Variants in ELFN1 observed in about 807,000 individuals in gnomAD.
The protein encoded by ELFN1 is protein ELFN1.
ELFN1 carries 6 observed loss-of-function variants against 7.6 expected under a neutral mutation model. The ratio of observed to expected loss-of-function variants is 0.79; its 90% CI spans 0.43 to 1.56. The LOEUF (loss-of-function observed/expected upper bound fraction) is 1.56. Ranked by LOEUF, ELFN1 falls within the 40% of genes most tolerant of loss-of-function variation. ELFN1 has a pLI of 0.01. For missense variants in ELFN1, 1,169 were observed against 1,232.2 expected (o/e 0.95, Z 0.77); for synonymous variants, 657 against 588.1 (o/e 1.12, Z -1.70).
chr7:1,699,396 G>C (rs1481989654), intron 2 of ELFN1, among the ~76,000 whole-genome samples: 1 of 152,178 alleles, frequency 6.6e-6, no homozygotes, highest in African/African-American at 2.4e-5. Context: ...CCAGCACTTT[G>C]GGAGGCCGAG....
At chr7:1,706,466 A>G (rs906463891) in intron 2 of ELFN1, among the ~76,000 whole-genome samples, 18 of 141,964 alleles carry the variant, frequency 1.3e-4, no homozygotes, top group African/African-American at 4.8e-4. Context: ...AAACAAAACA[A>G]AACACCCAGC....
rs144809695 is a variant in ELFN1 at position 1,744,518 on chromosome 7, C to T, written c.-79C>T. 646 of 1,397,968 alleles carry T rather than the reference C, an allele frequency of 4.6e-4. 5 individuals carry two copies. In the East Asian group the frequency reaches 0.015, roughly 33 times the overall value. The allele number at this position is 1,397,968 out of a possible 1,614,324, so 86.6% of individuals were successfully genotyped here. On this transcript the variant is annotated 5_prime_UTR_variant, in exon 4 of 4. Coordinates refer to ENST00000424383, the MANE Select transcript of ELFN1 (RefSeq NM_001128636.4). ...GCACCTCCCCCTCCCGCCCCTCCATCCCTCTGGGGGCTGGCGCCTGGCCCC... is the reference window on the plus strand; with the variant it reads ...GCACCTCCCCCTCCCGCCCCTCCATTCCTCTGGGGGCTGGCGCCTGGCCCC...
intron 3 of ELFN1, among the ~76,000 whole-genome samples, chr7:1,731,183 T>A (rs1303342384): frequency 6.6e-6 from 1 of 152,108 alleles, no homozygotes; most frequent in Non-Finnish European, 1.5e-5. Flanking sequence ...ACAAGAGTGG[T>A]GAGATGTGCC....
intron 3 of ELFN1, among the ~76,000 whole-genome samples, chr7:1,741,636 A>AGAGAGTGTGGCACCCAGCCAGGCCCTG (rs1780617112): frequency 6.6e-6 from 1 of 152,138 alleles, no homozygotes; most frequent in African/African-American, 2.4e-5. Context: ...AGGAAGGGGG[A>AGAGAGTGTGGCACCCAGCCAGGCCCTG]GAGAGTGTGG....
Position 1,744,832 on chromosome 7 carries a change from C to T in ELFN1, c.236C>T (p.Ser79Leu), listed in dbSNP as rs768988884. ...ENRIRSVQYA[S>L]LSRFGNLTYL... ...CGTATCCGCAGCGTGCAGTACGCCTCGCTCAGCCGCTTTGGCAACCTCACG... is the reference window on the plus strand; with the variant it reads ...CGTATCCGCAGCGTGCAGTACGCCTTGCTCAGCCGCTTTGGCAACCTCACG... Residue 79 changes from serine (S) to leucine (L), a missense_variant, in exon 4 of 4, where the codon TCG becomes TTG. Coordinates refer to ENST00000424383, the MANE Select transcript of ELFN1 (RefSeq NM_001128636.4). 2.5e-6 allele frequency: 4 copies of T among 1,571,862 alleles called. No homozygotes were observed. Among genetic ancestry groups the T allele is most frequent in the Non-Finnish European group, 3.5e-6 (4 of 1,157,732 alleles).
chr7:1,697,653 G>A (rs1165120621), intron 2 of ELFN1, among the ~76,000 whole-genome samples: 1 of 151,776 alleles, frequency 6.6e-6, no homozygotes, highest in African/African-American at 2.4e-5. Context: ...CCCTTCTCTA[G>A]GGCGGTGTCC....
intron 1 of ELFN1, among the ~76,000 whole-genome samples, chr7:1,675,203 G>A (rs371670239): frequency 1.5e-4 from 23 of 152,304 alleles, no homozygotes; most frequent in African/African-American, 4.6e-4. Flanking sequence ...CCACAGAAGC[G>A]CATCTCTCTG....
In ELFN1 at chr7:1,670,826, T is replaced by TA. The variant is rs1778750217; in HGVS notation, c.-549+472_-549+473insA. The stretch of plus-strand genomic sequence containing the variant: ...CATCGCCCTCCCTGCTGGGCCGCCC[T>TA]CCCCCCGACGCTGCGAGCCTCCTCG... On this transcript the variant is annotated intron_variant, in intron 1 of 3. Transcript: ENST00000424383. This position sits in a 1 kb window ranked among gnomAD's most constrained non-coding sequence, Gnocchi z 6.4. Among the ~76,000 whole-genome samples, 2 of 145,570 alleles carry TA rather than the reference T, an allele frequency of 1.4e-5. No individual in the cohort carries two copies. Among genetic ancestry groups the TA allele is most frequent in the Non-Finnish European group, 3.0e-5 (2 of 66,408 alleles).
intron 3 of ELFN1, among the ~76,000 whole-genome samples, chr7:1,727,549 G>A (rs1363481094): frequency 6.6e-6 from 1 of 152,108 alleles, no homozygotes; most frequent in Non-Finnish European, 1.5e-5. Context: ...CACTCAAGGG[G>A]CCTCCCTTCA....
chr7:1,687,648 A>G (rs985614906), intron 1 of ELFN1, among the ~76,000 whole-genome samples: 7 of 152,216 alleles, frequency 4.6e-5, no homozygotes, highest in Non-Finnish European at 8.8e-5. Context: ...CTGGATTAGT[A>G]TACCTGGAAA....
Position 1,735,293 on chromosome 7 carries a change from G to A in ELFN1, c.-293-9011G>A, listed in dbSNP as rs759105836. ...GGGAGCCCTGCAGCTTCCATGAGTC[G>A]TGTGGATGGCCCAAGGTCACATGGT... On this transcript the variant is annotated intron_variant, in intron 3 of 3. Transcript: ENST00000424383. The surrounding 1 kb of genome is among the most constrained non-coding windows in gnomAD (Gnocchi z 5.9). Among the ~76,000 whole-genome samples the A allele has an allele frequency of 4.6e-5, 7 of 152,068 alleles. No individual in the cohort carries two copies. The highest frequency in any genetic ancestry group is 3.3e-4 in the Admixed American group (5 of 15,274).
chr7:1,685,071 T>G lies in ELFN1; in HGVS notation c.-548-2987T>G, dbSNP rs139246014. Among the ~76,000 whole-genome samples the G allele has an allele frequency of 2.5e-3, 375 of 152,354 alleles. 1 individual carries two copies. The highest frequency in any genetic ancestry group is 4.6e-3 in the Non-Finnish European group (313 of 68,020). ...CAGATTCTTTCAGTTTCTCTTGATC[T>G]GTAATGTTTTTAGTTTGCTTTCATT... On this transcript the variant is annotated intron_variant, in intron 1 of 3. Coordinates refer to ENST00000424383, the MANE Select transcript of ELFN1 (RefSeq NM_001128636.4).
intron 3 of ELFN1, among the ~76,000 whole-genome samples, chr7:1,719,401 A>G (rs1039618268): frequency 6.6e-6 from 1 of 151,808 alleles, no homozygotes; most frequent in African/African-American, 2.4e-5. Flanking sequence ...TCGCCCACCA[A>G]CAGGGCCCCG....
intron 3 of ELFN1, among the ~76,000 whole-genome samples, chr7:1,733,055 C>G (rs1420223247): frequency 7.9e-5 from 12 of 152,148 alleles, no homozygotes; most frequent in Admixed American, 7.9e-4. Context: ...CACCTGCCAC[C>G]ACGCCCGGCT....
intron 1 of ELFN1, among the ~76,000 whole-genome samples, chr7:1,682,678 C>G (rs1778994790): frequency 6.6e-6 from 1 of 150,678 alleles, no homozygotes; most frequent in Non-Finnish European, 1.5e-5. Flanking sequence ...CTCCTCTCCT[C>G]AAATGATCTT....
chr7:1,687,134 C>T (rs904519350), intron 1 of ELFN1, among the ~76,000 whole-genome samples: 1 of 151,888 alleles, frequency 6.6e-6, no homozygotes, highest in Non-Finnish European at 1.5e-5. Flanking sequence ...GGGGGAGGTG[C>T]GGGGGGAGAT....
intron 2 of ELFN1, among the ~76,000 whole-genome samples, chr7:1,702,332 G>A (rs562977683): frequency 6.6e-6 from 1 of 152,154 alleles, no homozygotes; most frequent in Non-Finnish European, 1.5e-5. Context: ...GCTGAGGCAG[G>A]AGAATGGTGT....
intron 3 of ELFN1, among the ~76,000 whole-genome samples, chr7:1,734,903 C>T (rs1217127421): frequency 6.6e-6 from 1 of 152,034 alleles, no homozygotes; most frequent in East Asian, 1.9e-4. Context: ...TCACATTGCC[C>T]AGGCTGGGTT....
chr7:1,727,318 T>C (rs917418503), intron 3 of ELFN1, among the ~76,000 whole-genome samples: 1 of 152,232 alleles, frequency 6.6e-6, no homozygotes, highest in African/African-American at 2.4e-5. Flanking sequence ...GGTCTTTTAT[T>C]CTGATGGGGT....
Sources: gnomAD v4.1 joint callset for allele counts (sites outside exome capture counted in the v4.1 genomes callset) on GRCh38, gnomAD v4.1.1 for gene constraint, Gnocchi (gnomAD v3.1) non-coding constraint, MANE v1.5 for transcripts, NCBI Gene and HGNC (gene_info 2026-07-23, HGNC 2026-07-21) for gene names.